The following SLC25A21 variants were observed in gnomAD, a reference collection of about 807,000 sequenced individuals.
SLC25A21 encodes the protein solute carrier family 25 member 21.
Under a neutral mutation model 43.8 loss-of-function variants are expected in SLC25A21, and 47 were observed. The ratio of observed to expected loss-of-function variants is 1.07; its 90% CI spans 0.85 to 1.37. The LOEUF is 1.37. Ranked by LOEUF, SLC25A21 falls within the 40% of genes most tolerant of loss-of-function variation. SLC25A21 has a pLI of 0.00. For synonymous variants in SLC25A21, 131 were observed against 121.3 expected (o/e 1.08, Z -0.52); for missense variants, 352 against 350.2 (o/e 1.00, Z -0.04).
intron 1 of SLC25A21, among the ~76,000 whole-genome samples, chr14:37,031,274 T>C (rs969988005): frequency 6.6e-6 from 1 of 152,220 alleles, no homozygotes; most frequent in Non-Finnish European, 1.5e-5. Flanking sequence ...AGTCAACCAT[T>C]TCAAAGCATA....
chr14:37,155,927 G>A (rs552508698), intron 1 of SLC25A21, among the ~76,000 whole-genome samples: 211 of 152,204 alleles, frequency 1.4e-3, no homozygotes, highest in African/African-American at 3.0e-3. Context: ...GGGAGACTGA[G>A]ATGAGTGGTC....
chr14:36,899,733 A>G (rs1396355657), intron 1 of SLC25A21, among the ~76,000 whole-genome samples: 1 of 152,228 alleles, frequency 6.6e-6, no homozygotes, highest in Non-Finnish European at 1.5e-5. Context: ...ATTGTCTACA[A>G]AAACTGAAAC....
chr14:36,789,090 T>C (rs1296191721), intron 3 of SLC25A21, among the ~76,000 whole-genome samples: 1 of 152,250 alleles, frequency 6.6e-6, no homozygotes, highest in Non-Finnish European at 1.5e-5. Context: ...GACCATAACA[T>C]TGTCCACTTA....
intron 1 of SLC25A21, among the ~76,000 whole-genome samples, chr14:36,877,886 GC>G (rs1432521920): frequency 4.6e-5 from 7 of 152,112 alleles, no homozygotes; most frequent in Admixed American, 2.0e-4. Context: ...GCCACGAGGA[GC>G]CAGTGAAGGA....
chr14:36,694,539 C>T (rs577229519), intron 7 of SLC25A21, among the ~76,000 whole-genome samples: 14 of 152,256 alleles, frequency 9.2e-5, no homozygotes, highest in South Asian at 6.2e-4. Flanking sequence ...AGTGTAAAAG[C>T]GTTCCTATTT....
intron 2 of SLC25A21, among the ~76,000 whole-genome samples, chr14:36,818,096 G>T (rs972451845): frequency 3.3e-5 from 5 of 152,164 alleles, no homozygotes; most frequent in Non-Finnish European, 5.9e-5. Context: ...GCAAATAGAT[G>T]ATTACCATAC....
rs558889387 is a variant in SLC25A21, at chr14:36,890,523, T to G, written c.71-15519A>C. 3.7e-4 allele frequency among the ~76,000 whole-genome samples: 56 copies of G among 152,004 alleles called. 1 individual carries two copies. In the South Asian group the frequency reaches 0.01, roughly 28 times the overall value. The stretch of plus-strand genomic sequence containing the variant: ...ATACTGGAGGGAGAGAGGCAGAAAA[T>G]AAGAGATGAAGTTAACACTAAGATA... On this transcript the variant is annotated intron_variant, in intron 1 of 9. Coordinates refer to ENST00000331299, the MANE Select transcript of SLC25A21 (RefSeq NM_030631.4).
intron 3 of SLC25A21, among the ~76,000 whole-genome samples, chr14:36,804,474 A>G (rs558931912): frequency 2.7e-4 from 41 of 152,344 alleles, no homozygotes; most frequent in Non-Finnish European, 5.7e-4. Context: ...CCAGAAAACT[A>G]GAACTGTACT....
chr14:36,774,722 C>T (rs1452400806), intron 3 of SLC25A21, among the ~76,000 whole-genome samples: 1 of 152,132 alleles, frequency 6.6e-6, no homozygotes, highest in African/African-American at 2.4e-5. Context: ...TGTGCCACCA[C>T]ACCCAGCTAA....
chr14:37,029,180 T>C (rs547927708), intron 1 of SLC25A21, among the ~76,000 whole-genome samples: 2 of 152,322 alleles, frequency 1.3e-5, no homozygotes, highest in South Asian at 2.1e-4. Context: ...GCCTAAGGAT[T>C]AGAGAGGAAC....
chr14:37,079,817 G>A (rs757004494), intron 1 of SLC25A21, among the ~76,000 whole-genome samples: 9 of 152,182 alleles, frequency 5.9e-5, no homozygotes, highest in Non-Finnish European at 1.2e-4. Flanking sequence ...GCCATGGTCT[G>A]AAGGTTTGTG....
At chr14:36,688,342 G>T (rs183231313) in intron 7 of SLC25A21, among the ~76,000 whole-genome samples, 1 of 152,138 alleles carries the variant, frequency 6.6e-6, no homozygotes, top group Non-Finnish European at 1.5e-5. Context: ...ATATTTTTGC[G>T]TGTATCTCTC....
intron 1 of SLC25A21, among the ~76,000 whole-genome samples, chr14:37,003,337 G>A (rs760257893): frequency 6.6e-6 from 1 of 152,154 alleles, no homozygotes. Context: ...TGAGGTGAAC[G>A]CTACAGGCAT....
rs570783284 is a variant in SLC25A21, at chr14:37,106,594, C to T, written c.70+65687G>A. ...TCAAGACAATACAAGCACCACTGAA[C>T]ACAGACCCTTATCAGTAGCTCTGCT... is the stretch of plus-strand genomic sequence containing the variant. On this transcript the variant is annotated intron_variant, in intron 1 of 9. Coordinates refer to ENST00000331299, the MANE Select transcript of SLC25A21 (RefSeq NM_030631.4). Among the ~76,000 whole-genome samples, 3 of 152,286 alleles carry T rather than the reference C, an allele frequency of 2.0e-5. No individual in the cohort carries two copies. The East Asian group carries it at 5.8e-4, about 29-fold the overall frequency.
chr14:37,162,856 G>A lies in SLC25A21; in HGVS notation c.70+9425C>T, dbSNP rs1038010882. Among the ~76,000 whole-genome samples the A allele has an allele frequency of 2.1e-3, 321 of 152,210 alleles. 2 individuals are homozygous for A. Among genetic ancestry groups the A allele is most frequent in the African/African-American group, 7.6e-3 (314 of 41,520 alleles). ...CACATGCACATGTATGTTTATTGCA[G>A]CACTATTCACAATAGCAAAGACTTG... is the stretch of plus-strand genomic sequence containing the variant. On this transcript the variant is annotated intron_variant, in intron 1 of 9. Transcript: ENST00000331299.
chr14:37,023,087 C>G lies in SLC25A21; in HGVS notation c.71-148083G>C, dbSNP rs78073554. On this transcript the variant is annotated intron_variant, in intron 1 of 9. Coordinates refer to ENST00000331299, the MANE Select transcript of SLC25A21 (RefSeq NM_030631.4). ...TCTGATTTCTGTGATTACCAACAAG[C>G]TGAACACATCTCCAGGACAGTTTGG... Among the ~76,000 whole-genome samples the G allele has an allele frequency of 6.6e-3, 998 of 152,048 alleles. 14 individuals are homozygous for G. Among genetic ancestry groups the G allele is most frequent in the African/African-American group, 0.023 (941 of 41,508 alleles).
At chr14:36,900,845 C>T (rs1891378122) in intron 1 of SLC25A21, among the ~76,000 whole-genome samples, 1 of 152,134 alleles carries the variant, frequency 6.6e-6, no homozygotes, top group African/African-American at 2.4e-5. Flanking sequence ...GGAGCCATTG[C>T]AATAGGGCAT....
At chr14:36,939,031 A>G (rs1400016467) in intron 1 of SLC25A21, among the ~76,000 whole-genome samples, 1 of 152,142 alleles carries the variant, frequency 6.6e-6, no homozygotes, top group African/African-American at 2.4e-5. Context: ...ACATTAATTT[A>G]TTGCTTAAAT....
chr14:36,734,267 G>T (rs1173658952), intron 4 of SLC25A21, among the ~76,000 whole-genome samples: 1 of 151,970 alleles, frequency 6.6e-6, no homozygotes, highest in Non-Finnish European at 1.5e-5. Context: ...TCACCATGTT[G>T]TTTTTTGAAT....
Sources: gnomAD v4.1 joint callset for allele counts (sites outside exome capture counted in the v4.1 genomes callset) on GRCh38, gnomAD v4.1.1 for gene constraint, MANE v1.5 for transcripts, NCBI Gene and HGNC (gene_info 2026-07-23, HGNC 2026-07-21) for gene names.